Variants in DCC observed in about 807,000 individuals in gnomAD.
The protein encoded by DCC is DCC netrin 1 receptor, also known as netrin receptor DCC.
DCC carries 58 observed loss-of-function variants against 172.5 expected under a neutral mutation model. The ratio of observed to expected loss-of-function variants is 0.34; its 90% confidence interval spans 0.27 to 0.42. The LOEUF is 0.42. DCC is among the 10% of genes least tolerant of loss of function. The pLI, the probability that DCC is intolerant of heterozygous loss-of-function variation, is 1.00. For synonymous variants in DCC, 709 were observed against 644.5 expected (o/e 1.10, Z -1.52); for missense variants, 1,740 against 1,791.0 (o/e 0.97, Z 0.51).
At chr18:52,512,563 A>C (rs1348762162) in intron 1 of DCC, among the ~76,000 whole-genome samples, 3 of 152,186 alleles carry the variant, frequency 2.0e-5, no homozygotes, top group Non-Finnish European at 2.9e-5. Flanking sequence ...TTTCATGGTG[A>C]CATGCATTCA....
intron 1 of DCC, among the ~76,000 whole-genome samples, chr18:52,493,631 C>G (rs1264953287): frequency 6.6e-6 from 1 of 151,970 alleles, no homozygotes; most frequent in African/African-American, 2.4e-5. Flanking sequence ...TTTCAGTGCT[C>G]CCATTTCATT....
intron 5 of DCC, among the ~76,000 whole-genome samples, chr18:53,009,068 T>C (rs2143870724): frequency 6.6e-6 from 1 of 152,068 alleles, no homozygotes; most frequent in East Asian, 1.9e-4. Flanking sequence ...CTCATGCCGC[T>C]CTGTGGATTC....
chr18:53,414,923 A>C (rs1248665900), intron 20 of DCC, among the ~76,000 whole-genome samples: 1 of 152,196 alleles, frequency 6.6e-6, no homozygotes, highest in Non-Finnish European at 1.5e-5. Flanking sequence ...TTTTCATAGA[A>C]TATGTGTATA....
chr18:52,817,440 T>C (rs551237936), intron 2 of DCC, among the ~76,000 whole-genome samples: 83 of 152,300 alleles, frequency 5.4e-4, no homozygotes, highest in African/African-American at 1.8e-3. Context: ...AAGTTAATTA[T>C]AAAATTATAA....
At chr18:52,480,556 A>AT (rs2029917515) in intron 1 of DCC, among the ~76,000 whole-genome samples, 2 of 152,148 alleles carry the variant, frequency 1.3e-5, no homozygotes, top group Admixed American at 1.3e-4. Context: ...GATAAAATTA[A>AT]TAGCACCAAT....
chr18:53,098,247 A>G (rs1445359634), intron 7 of DCC, among the ~76,000 whole-genome samples: 2 of 152,260 alleles, frequency 1.3e-5, no homozygotes, highest in Non-Finnish European at 2.9e-5. Context: ...AAAAGTTGCA[A>G]GAATACTACA....
intron 28 of DCC, among the ~76,000 whole-genome samples, chr18:53,528,881 T>C (rs1188949122): frequency 4.6e-5 from 7 of 152,098 alleles, no homozygotes; most frequent in African/African-American, 1.7e-4. Flanking sequence ...AAGAATATAA[T>C]AGTTACATGT....
Position 53,180,686 on chromosome 18 carries a change from C to T in DCC, c.1573+1570C>T, listed in dbSNP as rs191367744. Among the ~76,000 whole-genome samples the T allele has an allele frequency of 1.0e-3, 156 of 152,180 alleles. 1 individual carries two copies. The highest frequency in any genetic ancestry group is 3.1e-3 in the South Asian group (15 of 4,820). ...CAATCTTCTTTTTTTATTTTTGGGA[C>T]GGAGTCTCACTCTCTTGCCCAGACT... is the stretch of plus-strand genomic sequence containing the variant. On this transcript the variant is annotated intron_variant, in intron 9 of 28. Coordinates refer to ENST00000442544, the MANE Select transcript of DCC (RefSeq NM_005215.4).
At chr18:52,379,702 T>G (rs1209718769) in intron 1 of DCC, among the ~76,000 whole-genome samples, 1 of 152,070 alleles carries the variant, frequency 6.6e-6, no homozygotes, top group Non-Finnish European at 1.5e-5. Flanking sequence ...GTTATTTAGC[T>G]TCGGCTTAGT....
intron 1 of DCC, among the ~76,000 whole-genome samples, chr18:52,701,705 C>T (rs2036125378): frequency 2.0e-5 from 1 of 50,632 alleles, no homozygotes; most frequent in Non-Finnish European, 4.0e-5. Context: ...CTTGTTTAAT[C>T]TTTATTATGT....
chr18:52,431,640 A>G (rs1192376178), intron 1 of DCC, among the ~76,000 whole-genome samples: 1 of 152,190 alleles, frequency 6.6e-6, no homozygotes, highest in Admixed American at 6.5e-5. Flanking sequence ...CCAATGCCAG[A>G]TGAAATGCTC....
intron 5 of DCC, among the ~76,000 whole-genome samples, chr18:52,980,837 G>C (rs527708856): frequency 4.9e-4 from 74 of 151,666 alleles, no homozygotes; most frequent in Non-Finnish European, 9.7e-4. Context: ...TGAAAGAAAA[G>C]AATAGGCCAT....
chr18:53,326,752 C>G (rs930403119), intron 14 of DCC, among the ~76,000 whole-genome samples: 4 of 142,182 alleles, frequency 2.8e-5, no homozygotes, highest in African/African-American at 5.3e-5. Flanking sequence ...ATTTTGAGTC[C>G]TAACACTCTG....
rs1598860617 is a variant in DCC at position 53,534,842 on chromosome 18, C to T, written c.*4189C>T. 4 of 152,220 alleles carry T rather than the reference C, an allele frequency of 2.6e-5. No homozygotes were observed. The East Asian group carries it at 5.8e-4, about 22-fold the overall frequency. 9.4% of individuals were successfully genotyped at this position (152,220 alleles called of 1,614,324 possible). A position where few individuals can be genotyped will look rare whatever the true frequency, so the allele number is the denominator to read the frequency against. On this transcript the variant is annotated 3_prime_UTR_variant, in exon 29 of 29. Coordinates refer to ENST00000442544, the MANE Select transcript of DCC (RefSeq NM_005215.4). ...AATATTACTACTCATCTGGACTCTT[C>T]GTTGCCACTATTGCATAACGTTCAC... is the stretch of plus-strand genomic sequence containing the variant.
intron 9 of DCC, among the ~76,000 whole-genome samples, chr18:53,184,566 C>T (rs1308616547): frequency 3.9e-5 from 6 of 151,998 alleles, no homozygotes; most frequent in African/African-American, 1.5e-4. Flanking sequence ...TAGCATGTGA[C>T]GGTACTGAAT....
At chr18:52,932,053 G>C (rs1568195285) in intron 5 of DCC, 1 of 152,164 alleles carries the variant, frequency 6.6e-6, no homozygotes, top group South Asian at 2.1e-4. Flanking sequence ...AGAGGCAGGG[G>C]TGGGAGGAGT....
At chr18:53,259,565 T>C (rs1354181191) in intron 12 of DCC, among the ~76,000 whole-genome samples, 1 of 152,232 alleles carries the variant, frequency 6.6e-6, no homozygotes, top group African/African-American at 2.4e-5. Flanking sequence ...TTGTAGAGTT[T>C]CTGCCAAGAG....
intron 28 of DCC, among the ~76,000 whole-genome samples, chr18:53,529,003 T>TTCTC (rs144580817): frequency 0.049 from 4,944 of 100,350 alleles, 296 homozygotes; most frequent in Non-Finnish European, 0.077. Flanking sequence ...TCACTTCAAC[T>TTCTC]TCTCTCTCTC....
chr18:53,079,602 C>A (rs1183324231), intron 7 of DCC, among the ~76,000 whole-genome samples: 2 of 151,964 alleles, frequency 1.3e-5, no homozygotes, highest in African/African-American at 4.8e-5. Context: ...TGGCATAGAA[C>A]AAATTTATTT....
Sources: allele counts gnomAD v4.1 joint callset (sites outside exome capture counted in the v4.1 genomes callset), GRCh38; gene constraint gnomAD v4.1.1; transcripts MANE v1.5; gene names NCBI Gene and HGNC (gene_info 2026-07-23, HGNC 2026-07-21).